The following ASIC2 variants were observed in gnomAD, a reference collection of about 807,000 sequenced individuals.
The protein encoded by ASIC2 is acid sensing ion channel subunit 2, also known as acid-sensing ion channel 2.
Under a neutral mutation model 57.3 loss-of-function variants are expected in ASIC2, and 25 were observed. The observed-to-expected ratio is 0.44, with a 90% CI of 0.32 to 0.61. The LOEUF is 0.61. Among genes scored for constraint, ASIC2 ranks in the 20% least tolerant of loss-of-function variants. The pLI, the probability that ASIC2 is intolerant of heterozygous loss-of-function variation, is 0.06. For synonymous variants in ASIC2, 319 were observed against 307.5 expected, an observed-to-expected ratio of 1.04 and a Z score of -0.39; for missense variants, 641 against 738.1, an observed-to-expected ratio of 0.87 and a Z score of 1.52.
chr17:34,029,962 T>C (rs1907528291), intron 1 of ASIC2, among the ~76,000 whole-genome samples: 1 of 152,116 alleles, frequency 6.6e-6, no homozygotes, highest in South Asian at 2.1e-4. Context: ...TTCACATAAG[T>C]AGTAATAAGT....
intron 1 of ASIC2, among the ~76,000 whole-genome samples, chr17:33,252,423 C>T (rs1009574405): frequency 4.6e-5 from 7 of 152,100 alleles, no homozygotes; most frequent in African/African-American, 7.2e-5. Flanking sequence ...TACAAGGACC[C>T]GATACACCTC....
At chr17:34,116,295 T>C (rs996111214) in intron 1 of ASIC2, among the ~76,000 whole-genome samples, 61 of 152,186 alleles carry the variant, frequency 4.0e-4, no homozygotes, top group African/African-American at 1.3e-3. Context: ...TTTATCTGCA[T>C]AATGGGAACA....
intron 1 of ASIC2, among the ~76,000 whole-genome samples, chr17:33,640,516 G>A (rs977489069): frequency 1.3e-5 from 2 of 152,200 alleles, no homozygotes; most frequent in African/African-American, 4.8e-5. Context: ...ACGGCATAGG[G>A]TACACACAAG....
chr17:33,639,778 A>AAAG (rs1555549191), intron 1 of ASIC2, among the ~76,000 whole-genome samples: 1 of 150,980 alleles, frequency 6.6e-6, no homozygotes, highest in Non-Finnish European at 1.5e-5. Context: ...AAAAAAAAAA[A>AAAG]GCGGAACAAA....
intron 1 of ASIC2, among the ~76,000 whole-genome samples, chr17:33,946,480 T>C (rs1660734775): frequency 6.6e-6 from 1 of 152,242 alleles, no homozygotes; most frequent in African/African-American, 2.4e-5. Context: ...TCATCAAGAC[T>C]TAGTCATTGG....
intron 1 of ASIC2, among the ~76,000 whole-genome samples, chr17:33,554,897 C>A (rs1340948643): frequency 6.6e-6 from 1 of 151,986 alleles, no homozygotes; most frequent in Non-Finnish European, 1.5e-5. Flanking sequence ...CCACACTAGA[C>A]CATAAATAAA....
At chr17:33,548,541 T>C (rs190298321) in intron 1 of ASIC2, among the ~76,000 whole-genome samples, 7 of 152,286 alleles carry the variant, frequency 4.6e-5, no homozygotes, top group Non-Finnish European at 7.4e-5. Flanking sequence ...CCATGCATTG[T>C]AGTGGGAGAG....
intron 2 of ASIC2, among the ~76,000 whole-genome samples, chr17:33,097,827 G>C (rs1448269174): frequency 6.6e-6 from 1 of 152,168 alleles, no homozygotes; most frequent in East Asian, 1.9e-4. Flanking sequence ...TGGTGGAAAG[G>C]GCATGCTGAT....
At chr17:33,948,136 C>T (rs1482859311) in intron 1 of ASIC2, among the ~76,000 whole-genome samples, 2 of 152,166 alleles carry the variant, frequency 1.3e-5, no homozygotes, top group African/African-American at 2.4e-5. Context: ...GGGCTGGACT[C>T]TGATGGGGCA....
intron 1 of ASIC2, among the ~76,000 whole-genome samples, chr17:33,922,921 G>A (rs1915737295): frequency 6.6e-6 from 1 of 152,182 alleles, no homozygotes; most frequent in African/African-American, 2.4e-5. Flanking sequence ...CCACTAGGCT[G>A]CGTGGCAGAT....
At chr17:33,812,809 A>T (rs1257862202) in intron 1 of ASIC2, among the ~76,000 whole-genome samples, 1 of 152,206 alleles carries the variant, frequency 6.6e-6, no homozygotes, top group Admixed American at 6.5e-5. Flanking sequence ...GACAAACAGG[A>T]TCCTACCTGG....
chr17:33,246,881 T>C (rs1458464846), intron 1 of ASIC2, among the ~76,000 whole-genome samples: 1 of 152,058 alleles, frequency 6.6e-6, no homozygotes, highest in Non-Finnish European at 1.5e-5. Context: ...TCATTGAGGG[T>C]TCCCCAGCAC....
chr17:33,889,206 G>T (rs546153366), intron 1 of ASIC2, among the ~76,000 whole-genome samples: 1 of 152,150 alleles, frequency 6.6e-6, no homozygotes, highest in African/African-American at 2.4e-5. Context: ...GAGCTGGAAG[G>T]CTCCTTGGAG....
chr17:33,603,324 C>A (rs534740138), intron 1 of ASIC2, among the ~76,000 whole-genome samples: 2 of 152,314 alleles, frequency 1.3e-5, no homozygotes, highest in South Asian at 4.1e-4. Flanking sequence ...GATTGGGACT[C>A]CAGGACAGTG....
intron 1 of ASIC2, among the ~76,000 whole-genome samples, chr17:33,842,604 A>C (rs1391285490): frequency 7.9e-5 from 12 of 152,220 alleles, no homozygotes; most frequent in Admixed American, 7.9e-4. Flanking sequence ...CAAAGTTGAT[A>C]CATACATGAA....
chr17:33,046,450 G>A (rs2091955271), intron 3 of ASIC2, among the ~76,000 whole-genome samples: 1 of 152,174 alleles, frequency 6.6e-6, no homozygotes, highest in Non-Finnish European at 1.5e-5. Flanking sequence ...CACCTGAGTG[G>A]GAAATGAAGG....
intron 3 of ASIC2, among the ~76,000 whole-genome samples, chr17:33,080,057 A>C (rs1189275266): frequency 6.6e-6 from 1 of 152,114 alleles, no homozygotes; most frequent in Non-Finnish European, 1.5e-5. Flanking sequence ...TCTGGAGCTC[A>C]GGAAAGAGGT....
chr17:34,108,163 A>G (rs558789189), intron 1 of ASIC2, among the ~76,000 whole-genome samples: 1 of 152,274 alleles, frequency 6.6e-6, no homozygotes, highest in South Asian at 2.1e-4. Context: ...CAACAACTAC[A>G]TAATACTCCA....
At chr17:33,132,819 T>C (rs930093205) in intron 1 of ASIC2, among the ~76,000 whole-genome samples, 2 of 152,218 alleles carry the variant, frequency 1.3e-5, no homozygotes, top group African/African-American at 4.8e-5. Context: ...AATTGTTACG[T>C]CCTGCTTTTC....
Sources: allele counts gnomAD v4.1 joint callset (sites outside exome capture counted in the v4.1 genomes callset), GRCh38; gene constraint gnomAD v4.1.1; transcripts MANE v1.5; gene names NCBI Gene and HGNC (gene_info 2026-07-23, HGNC 2026-07-21).